The following ZNF674 variants were observed in gnomAD, a reference collection of about 807,000 sequenced individuals.
The protein encoded by ZNF674 is zinc finger family member 674.
Under a neutral mutation model 7.0 loss-of-function variants are expected in ZNF674, and 2 were observed. That is an observed-to-expected ratio of 0.29 (90% CI 0.12 to 0.90). The LOEUF (loss-of-function observed/expected upper bound fraction) is 0.90, where lower values mean the gene tolerates loss of function less well. Among genes scored for constraint, ZNF674 ranks in the 40% least tolerant of loss-of-function variants. The pLI is 0.57. For synonymous variants in ZNF674, 103 were observed against 145.2 expected (o/e 0.71, Z 2.09); for missense variants, 297 against 415.5 (o/e 0.71, Z 2.48).
chrX:46,510,723 G>A (rs961300142), intron 5 of ZNF674, among the ~76,000 whole-genome samples: 24 of 112,384 alleles, frequency 2.1e-4, no homozygotes, highest in African/African-American at 6.8e-4. Flanking sequence ...CCCAGGAGGC[G>A]GAGGTTGCAG....
chrX:46,543,971 G>A (rs1942335142), intron 2 of ZNF674, among the ~76,000 whole-genome samples: 1 of 112,989 alleles, frequency 8.9e-6, no homozygotes, highest in Non-Finnish European at 1.9e-5. Context: ...CTGGTTGATG[G>A]TGTGGGGCTG....
chrX:46,510,545 T>C (rs1941634920), intron 5 of ZNF674, among the ~76,000 whole-genome samples: 1 of 112,154 alleles, frequency 8.9e-6, no homozygotes, highest in African/African-American at 3.2e-5. Context: ...TCCCAGCATT[T>C]TGGGAGGCCG....
In ZNF674 at chrX:46,499,967, A is replaced by G. The variant is rs750002089; in HGVS notation, c.1607T>C (p.Ile536Thr). Residue 536 changes from isoleucine to threonine, a missense_variant, in exon 6 of 6, where the codon ATT becomes ACT. Ile to Thr is a moderately conservative substitution (Grantham distance 89). Transcript: ENST00000683375. ...GKAFSVKSTLIVHHRTHTGEK... is the reference protein window; with the variant it reads ...GKAFSVKSTLTVHHRTHTGEK... ...TCCTGTATGAGTTCTGTGATGCACAATGAGAGTTGATTTCACACTGAAGGC... is the reference window on the plus strand; with the variant it reads ...TCCTGTATGAGTTCTGTGATGCACAGTGAGAGTTGATTTCACACTGAAGGC... The G allele has an allele frequency of 2.5e-6, 3 of 1,197,440 alleles. No homozygotes were observed. Among genetic ancestry groups the G allele is most frequent in the South Asian group, 1.8e-5 (1 of 55,555 alleles).
At chrX:46,540,071 C>G (rs1237739913) in intron 3 of ZNF674, among the ~76,000 whole-genome samples, 2 of 110,904 alleles carry the variant, frequency 1.8e-5, no homozygotes, top group South Asian at 3.7e-4. Flanking sequence ...GGTGAAACCC[C>G]GTCTCTACTA....
At chrX:46,512,023 CA>C (rs373241005) in intron 5 of ZNF674, among the ~76,000 whole-genome samples, 1,404 of 58,997 alleles carry the variant, frequency 0.024, 22 homozygotes, top group East Asian at 0.1. Context: ...AACTCCATCT[CA>C]AAAAAAAAAA....
intron 3 of ZNF674, among the ~76,000 whole-genome samples, chrX:46,537,230 C>T (rs185472060): frequency 3.7e-5 from 4 of 109,338 alleles, no homozygotes; most frequent in South Asian, 4.0e-4. Flanking sequence ...GAGATCGCAC[C>T]ACTGTACTCC....
intron 3 of ZNF674, chrX:46,529,362 A>T: frequency 7.1e-6 from 1 of 140,861 alleles, no homozygotes; most frequent in Non-Finnish European, 1.4e-5. Context: ...GTCCTGTGAC[A>T]TAAAGATTGA....
At chrX:46,505,174 C>T (rs1454362282) in intron 5 of ZNF674, among the ~76,000 whole-genome samples, 1 of 111,256 alleles carries the variant, frequency 9.0e-6, no homozygotes, top group African/African-American at 3.3e-5. Flanking sequence ...AGGCGTGAGC[C>T]ACCGTGCCTG....
intron 5 of ZNF674, among the ~76,000 whole-genome samples, chrX:46,512,299 T>C (rs753690549): frequency 1.2e-3 from 121 of 103,840 alleles, no homozygotes; most frequent in Non-Finnish European, 1.8e-3. Flanking sequence ...GAGGTGGCAG[T>C]TGCGGTGAGC....
At chrX:46,511,576 C>T (rs1477096158) in intron 5 of ZNF674, among the ~76,000 whole-genome samples, 1 of 112,312 alleles carries the variant, frequency 8.9e-6, no homozygotes, top group East Asian at 2.8e-4. Flanking sequence ...AACCCACTCC[C>T]AACTCATTTC....
At chrX:46,519,254 ATAGATAGATAAAGATAGATGAT>A (rs1569476282) in intron 5 of ZNF674, among the ~76,000 whole-genome samples, 23 of 75,464 alleles carry the variant, frequency 3.0e-4, no homozygotes, top group African/African-American at 1.1e-3. Context: ...AGATAGATAG[ATAGATAGATAAAGATAGATGAT>A]AGATAGATAG....
intron 5 of ZNF674, among the ~76,000 whole-genome samples, chrX:46,515,901 G>C (rs1263321148): frequency 9.0e-6 from 1 of 111,321 alleles, no homozygotes; most frequent in Non-Finnish European, 1.9e-5. Context: ...GTTAGCCACT[G>C]TGCCCATCCC....
rs946185604 is a variant in ZNF674, at chrX:46,498,426, T to C, written c.*1417A>G. On this transcript the variant is annotated 3_prime_UTR_variant, in exon 6 of 6. Transcript: ENST00000683375. ...TGCATTTTTGCACTGAAGATATTGA[T>C]GAATAATATACGTAAGGTCTCCTGT... is the stretch of plus-strand genomic sequence containing the variant. 2.7e-5 allele frequency: 3 copies of C among 111,476 alleles called. No homozygotes were observed. Among genetic ancestry groups the C allele is most frequent in the African/African-American group, 9.8e-5 (3 of 30,738 alleles). The allele number at this position is 111,476 out of a possible 1,213,427, so 9.2% of individuals were successfully genotyped here.
At chrX:46,501,678 G>A (rs1450982172) in intron 5 of ZNF674, among the ~76,000 whole-genome samples, 3 of 108,906 alleles carry the variant, frequency 2.8e-5, no homozygotes, top group Admixed American at 2.0e-4. Context: ...GTGTGTGTGT[G>A]TGTGTGTGTA....
At chrX:46,531,029 G>T (rs1334795000) in intron 3 of ZNF674, among the ~76,000 whole-genome samples, 1 of 112,979 alleles carries the variant, frequency 8.9e-6, no homozygotes, top group Non-Finnish European at 1.9e-5. Flanking sequence ...CCTGCAGTGA[G>T]CCAAGACTGC....
At chrX:46,540,255 A>G (rs954924515) in intron 3 of ZNF674, among the ~76,000 whole-genome samples, 14 of 111,173 alleles carry the variant, frequency 1.3e-4, no homozygotes, top group Non-Finnish European at 2.3e-4. Flanking sequence ...AAAAAAAAAA[A>G]AGAAAGATTC....
At chrX:46,545,256 CCCA>C (rs1377676846) in intron 1 of ZNF674, 112 bp downstream of exon 1, 1 of 111,225 alleles carries the variant, frequency 9.0e-6, no homozygotes, top group Non-Finnish European at 1.9e-5. Flanking sequence ...TCACTCAATC[CCCA>C]CAAGGACGCT....
intron 3 of ZNF674, among the ~76,000 whole-genome samples, chrX:46,535,303 C>A (rs1942183205): frequency 9.1e-6 from 1 of 110,139 alleles, no homozygotes; most frequent in East Asian, 2.8e-4. Context: ...CGCACCACCA[C>A]GTCCAGCTAA....
chrX:46,533,208 G>A (rs1342203363), intron 3 of ZNF674, among the ~76,000 whole-genome samples: 3 of 110,564 alleles, frequency 2.7e-5, no homozygotes, highest in South Asian at 7.8e-4. Context: ...CATTTCTGAC[G>A]ACCAGTGGCT....
Sources: gnomAD v4.1 joint callset for allele counts (sites outside exome capture counted in the v4.1 genomes callset) on GRCh38, gnomAD v4.1.1 for gene constraint, MANE v1.5 for transcripts, NCBI Gene and HGNC (gene_info 2026-07-23, HGNC 2026-07-21) for gene names.